The following FOXP2 variants were observed in gnomAD, a reference collection of about 807,000 sequenced individuals.
FOXP2 encodes the protein forkhead box protein P2.
A neutral mutation model predicts 115.8 loss-of-function variants in FOXP2; 12 were observed. That is an observed-to-expected ratio of 0.10 (90% confidence interval 0.07 to 0.17). The LOEUF is 0.17. FOXP2 is among the 10% of genes least tolerant of loss of function. The probability of loss-of-function intolerance (pLI) is 1.00; values close to 1 mark genes in which losing one functional copy is unlikely to be tolerated. For synonymous variants in FOXP2, 328 were observed against 297.7 expected (o/e 1.10, Z -1.05); for missense variants, 629 against 843.5 (o/e 0.75, Z 3.15).
At chr7:114,254,948 G>A (rs2129170208) in intron 1 of FOXP2, among the ~76,000 whole-genome samples, 1 of 152,246 alleles carries the variant, frequency 6.6e-6, no homozygotes, top group South Asian at 2.1e-4. Context: ...CTTTGATGAT[G>A]GTGACGTACA....
Position 114,659,441 on chromosome 7 carries a change from A to G in FOXP2, c.1545+9A>G. 6.2e-7 allele frequency: 1 copy of G among 1,610,062 alleles called. No homozygotes were observed. On this transcript the variant is annotated intron_variant, in intron 12 of 16. Transcript: ENST00000350908. ...CAACTCTCATAAGGCAGGTAAGTAGAAGGAAAATTAACTTTGCCTGATTAA... is the reference window on the plus strand; with the variant it reads ...CAACTCTCATAAGGCAGGTAAGTAGGAGGAAAATTAACTTTGCCTGATTAA...
At chr7:114,426,168 G>A (rs535126302) in intron 1 of FOXP2, among the ~76,000 whole-genome samples, 1 of 151,622 alleles carries the variant, frequency 6.6e-6, no homozygotes. Context: ...ACAGAACAGA[G>A]TGTGCAATCA....
At chr7:114,481,542 A>G (rs1039094008) in intron 2 of FOXP2, among the ~76,000 whole-genome samples, 3 of 151,366 alleles carry the variant, frequency 2.0e-5, no homozygotes, top group African/African-American at 7.3e-5. Flanking sequence ...CTCCACTCAG[A>G]ACAACCAATG....
intron 2 of FOXP2, among the ~76,000 whole-genome samples, chr7:114,523,686 C>T (rs968115298): frequency 6.6e-6 from 1 of 152,124 alleles, no homozygotes; most frequent in Non-Finnish European, 1.5e-5. Flanking sequence ...TGCTTTTCTT[C>T]GACTGTCTTT....
intron 2 of FOXP2, among the ~76,000 whole-genome samples, chr7:114,472,685 C>CT (rs934734456): frequency 2.6e-5 from 4 of 152,150 alleles, no homozygotes; most frequent in African/African-American, 9.7e-5. Context: ...AATGGTATTA[C>CT]TACTCCATTC....
At chr7:114,683,655 G>A (rs984580823) in intron 16 of FOXP2, among the ~76,000 whole-genome samples, 1 of 152,172 alleles carries the variant, frequency 6.6e-6, no homozygotes, top group African/African-American at 2.4e-5. Context: ...TCCTTAAGTG[G>A]TAGACAGGAT....
chr7:114,488,960 G>A (rs1394634807), intron 2 of FOXP2, among the ~76,000 whole-genome samples: 1 of 151,964 alleles, frequency 6.6e-6, no homozygotes, highest in Non-Finnish European at 1.5e-5. Context: ...GGATTGATAG[G>A]AAAAAATAAA....
intron 3 of FOXP2, chr7:114,561,488 C>T (rs1717121997): frequency 6.6e-6 from 1 of 152,056 alleles, no homozygotes; most frequent in African/African-American, 2.4e-5. Flanking sequence ...AAGAAGTTTG[C>T]CTTTTATTTA....
At chr7:114,335,941 G>A (rs1797843382) in intron 2 of FOXP2, among the ~76,000 whole-genome samples, 1 of 151,694 alleles carries the variant, frequency 6.6e-6, no homozygotes, top group Non-Finnish European at 1.5e-5. Context: ...AGATGTGGAT[G>A]TTTAAAGATG....
intron 3 of FOXP2, among the ~76,000 whole-genome samples, chr7:114,538,720 T>A (rs918163413): frequency 4.0e-5 from 6 of 151,780 alleles, no homozygotes; most frequent in African/African-American, 1.4e-4. Context: ...TTGAAGTAAG[T>A]GAGGTATCTT....
At chr7:114,238,839 T>C (rs1795078443) in intron 1 of FOXP2, among the ~76,000 whole-genome samples, 1 of 151,664 alleles carries the variant, frequency 6.6e-6, no homozygotes, top group Admixed American at 6.6e-5. Context: ...AATATATTCT[T>C]AGTAAAAGCA....
At chr7:114,198,179 T>C (rs1416988191) in intron 1 of FOXP2, among the ~76,000 whole-genome samples, 1 of 152,148 alleles carries the variant, frequency 6.6e-6, no homozygotes, top group East Asian at 1.9e-4. Flanking sequence ...TATGTTGTTA[T>C]TCATGTCAGC....
chr7:114,552,337 T>A (rs1800249892), intron 3 of FOXP2, among the ~76,000 whole-genome samples: 2 of 152,332 alleles, frequency 1.3e-5, no homozygotes, highest in Non-Finnish European at 2.9e-5. Flanking sequence ...ATTTACTGAC[T>A]GTATGACCTT....
chr7:114,660,522 A>T (rs925149519), intron 13 of FOXP2, among the ~76,000 whole-genome samples: 1 of 152,164 alleles, frequency 6.6e-6, no homozygotes, highest in Non-Finnish European at 1.5e-5. Flanking sequence ...TGGATTTAAA[A>T]TGCAAATTAA....
At chr7:114,618,883 A>T (rs560624174) in intron 3 of FOXP2, among the ~76,000 whole-genome samples, 1 of 152,270 alleles carries the variant, frequency 6.6e-6, no homozygotes, top group South Asian at 2.1e-4. Context: ...CATCTGGGTA[A>T]AGAGGCAAGA....
At chr7:114,227,355 A>G (rs576743367) in intron 1 of FOXP2, among the ~76,000 whole-genome samples, 51 of 152,156 alleles carry the variant, frequency 3.4e-4, no homozygotes, top group African/African-American at 1.2e-3. Flanking sequence ...GGAAAAAGAA[A>G]GTTTTATGCT....
chr7:114,498,932 A>G, intron 2 of FOXP2: 1 of 718,002 alleles, frequency 1.4e-6, no homozygotes, highest in South Asian at 1.5e-5. Context: ...CTTTGGATCT[A>G]TACTTAACTG....
intron 3 of FOXP2, among the ~76,000 whole-genome samples, chr7:114,537,312 G>A (rs1799444564): frequency 6.6e-6 from 1 of 151,406 alleles, no homozygotes; most frequent in East Asian, 1.9e-4. Flanking sequence ...CAAGATATTT[G>A]GTATTAATCG....
At chr7:114,223,492 T>TATATATATTATATATA (rs1794673213) in intron 1 of FOXP2, among the ~76,000 whole-genome samples, 1 of 145,992 alleles carries the variant, frequency 6.8e-6, no homozygotes, top group Non-Finnish European at 1.5e-5. Flanking sequence ...ATATACATTA[T>TATATATATTATATATA]ATATATATTA....
Sources: allele counts gnomAD v4.1 joint callset (sites outside exome capture counted in the v4.1 genomes callset), GRCh38; gene constraint gnomAD v4.1.1; transcripts MANE v1.5; gene names NCBI Gene and HGNC (gene_info 2026-07-23, HGNC 2026-07-21).